Variants in SLC24A3 observed in about 807,000 individuals in gnomAD.
SLC24A3 encodes sodium/potassium/calcium exchanger 3.
Under a neutral mutation model 75.8 loss-of-function variants are expected in SLC24A3, and 28 were observed. That is an observed-to-expected ratio of 0.37 (90% CI 0.27 to 0.51). The LOEUF (loss-of-function observed/expected upper bound fraction) is 0.51, where lower values mean the gene tolerates loss of function less well. Ranked by LOEUF, SLC24A3 falls within the 20% of genes least tolerant of loss-of-function variation. SLC24A3 has a pLI of 0.94. For synonymous variants in SLC24A3, 372 were observed against 334.1 expected (o/e 1.11, Z -1.24); for missense variants, 663 against 847.8 (o/e 0.78, Z 2.71).
intron 2 of SLC24A3, among the ~76,000 whole-genome samples, chr20:19,367,721 G>C (rs1327919500): frequency 2.6e-5 from 4 of 152,172 alleles, no homozygotes; most frequent in South Asian, 2.1e-4. Flanking sequence ...TGTTGGCCAG[G>C]TTCATGAGAG....
chr20:19,344,077 G>C (rs561464587), intron 2 of SLC24A3, among the ~76,000 whole-genome samples: 6 of 151,930 alleles, frequency 3.9e-5, no homozygotes, highest in Admixed American at 1.3e-4. Context: ...TTTCTGACTT[G>C]GGGAAAGCAG....
At chr20:19,379,292 G>A (rs1986141825) in intron 2 of SLC24A3, among the ~76,000 whole-genome samples, 1 of 152,162 alleles carries the variant, frequency 6.6e-6, no homozygotes, top group African/African-American at 2.4e-5. Context: ...CCACCCATGT[G>A]TTTCTGCCTT....
chr20:19,656,291 A>T (rs1252584122), intron 7 of SLC24A3, among the ~76,000 whole-genome samples: 2 of 152,160 alleles, frequency 1.3e-5, no homozygotes, highest in Admixed American at 1.3e-4. Context: ...TCCCCAGATT[A>T]AAACAGGAAG....
chr20:19,364,492 GT>G lies in SLC24A3; in HGVS notation c.271+83406del, dbSNP rs1262081917. Among the ~76,000 whole-genome samples, 428 of 152,014 alleles carry G rather than the reference GT, an allele frequency of 2.8e-3. 3 individuals carry two copies. Among genetic ancestry groups the G allele is most frequent in the African/African-American group, 9.6e-3 (398 of 41,478 alleles). On this transcript the variant is annotated intron_variant, in intron 2 of 16. Coordinates refer to ENST00000328041, the MANE Select transcript of SLC24A3 (RefSeq NM_020689.4). ...CTTTCTTGAGATAGGGTGTCACTCT[GT>G]CACCCAGGCTGGAGGGCAGTGGTGC... is the stretch of plus-strand genomic sequence containing the variant.
At chr20:19,711,930 G>A (rs377484765) in intron 15 of SLC24A3, among the ~76,000 whole-genome samples, 19 of 151,760 alleles carry the variant, frequency 1.3e-4, no homozygotes, top group South Asian at 8.3e-4. Context: ...GAGCTACCGC[G>A]CCTGGCCGCA....
chr20:19,421,848 G>T (rs559803899), intron 2 of SLC24A3, among the ~76,000 whole-genome samples: 3 of 152,184 alleles, frequency 2.0e-5, no homozygotes, highest in Admixed American at 1.3e-4. Context: ...CAAAATGCAC[G>T]AACTTCCGGA....
intron 2 of SLC24A3, among the ~76,000 whole-genome samples, chr20:19,437,551 G>A (rs545776224): frequency 5.9e-5 from 9 of 152,324 alleles, no homozygotes; most frequent in East Asian, 5.8e-4. Flanking sequence ...AGAAGACAGA[G>A]CAAGAAGTGC....
intron 2 of SLC24A3, among the ~76,000 whole-genome samples, chr20:19,350,403 T>TATG (rs1399424443): frequency 6.6e-6 from 1 of 152,246 alleles, no homozygotes; most frequent in African/African-American, 2.4e-5. Flanking sequence ...CCTCTCTTTT[T>TATG]ATGATGACTT....
chr20:19,510,293 T>G (rs946539060), intron 2 of SLC24A3, among the ~76,000 whole-genome samples: 7 of 152,242 alleles, frequency 4.6e-5, no homozygotes, highest in Non-Finnish European at 8.8e-5. Context: ...GGTCCTACCA[T>G]GCTAGATTCA....
chr20:19,594,327 T>G (rs2031422532), intron 6 of SLC24A3, among the ~76,000 whole-genome samples: 1 of 152,118 alleles, frequency 6.6e-6, no homozygotes, highest in Non-Finnish European at 1.5e-5. Flanking sequence ...GCAGCTACAG[T>G]CCAGGTGGCT....
chr20:19,343,789 C>G (rs1985329642), intron 2 of SLC24A3, among the ~76,000 whole-genome samples: 2 of 152,030 alleles, frequency 1.3e-5, no homozygotes, highest in Admixed American at 6.6e-5. Flanking sequence ...TTCAATGAAG[C>G]CAGATTATAG....
chr20:19,591,679 A>G (rs1286630915), intron 6 of SLC24A3, among the ~76,000 whole-genome samples: 1 of 152,184 alleles, frequency 6.6e-6, no homozygotes, highest in East Asian at 1.9e-4. Flanking sequence ...TCCCTGAACC[A>G]ATCATTGTGG....
At chr20:19,659,297 A>G (rs895078934) in intron 7 of SLC24A3, among the ~76,000 whole-genome samples, 1 of 152,226 alleles carries the variant, frequency 6.6e-6, no homozygotes, top group Non-Finnish European at 1.5e-5. Flanking sequence ...TCCCTGGGAC[A>G]TTCATTGTCA....
chr20:19,318,225 T>C (rs555762404), intron 2 of SLC24A3, among the ~76,000 whole-genome samples: 94 of 152,362 alleles, frequency 6.2e-4, no homozygotes, highest in African/African-American at 2.1e-3. Context: ...ACAAGCTTTA[T>C]GGGCAGCCTT....
In SLC24A3 at chr20:19,721,399, A is replaced by G. The variant is rs897830272; in HGVS notation, c.*259A>G. 2.8e-5 allele frequency: 12 copies of G among 426,844 alleles called. 1 individual carries two copies. Among genetic ancestry groups the G allele is most frequent in the Non-Finnish European group, 5.0e-5 (12 of 241,448 alleles). The allele number at this position is 426,844 out of a possible 1,614,324, so 26.4% of individuals were successfully genotyped here. Reference sequence around the variant, plus strand: ...ACATCCACGTGACTTTTCCAGCTCCATTTTTGAACAGTGACTGAGATTCTA... The same window carrying G: ...ACATCCACGTGACTTTTCCAGCTCCGTTTTTGAACAGTGACTGAGATTCTA... On this transcript the variant is annotated 3_prime_UTR_variant, in exon 17 of 17. Coordinates refer to ENST00000328041, the MANE Select transcript of SLC24A3 (RefSeq NM_020689.4).
chr20:19,711,187 G>A (rs972527998), intron 15 of SLC24A3, among the ~76,000 whole-genome samples: 3 of 142,354 alleles, frequency 2.1e-5, no homozygotes, highest in Admixed American at 7.0e-5. Context: ...ACACACACAC[G>A]CATCCACACA....
At chr20:19,309,583 C>G (rs561154359) in intron 2 of SLC24A3, among the ~76,000 whole-genome samples, 1 of 152,286 alleles carries the variant, frequency 6.6e-6, no homozygotes, top group Non-Finnish European at 1.5e-5. Context: ...TTGGAAAACG[C>G]TGGCCTAGAG....
intron 1 of SLC24A3, among the ~76,000 whole-genome samples, chr20:19,251,792 C>T (rs922806087): frequency 2.6e-4 from 40 of 152,146 alleles, no homozygotes; most frequent in African/African-American, 9.7e-4. Flanking sequence ...AGACTCCAGC[C>T]CTGGAGTTGA....
rs374264388 is a variant in SLC24A3, at chr20:19,546,373, T to C, written c.348+30809T>C. 2.4e-4 allele frequency among the ~76,000 whole-genome samples: 37 copies of C among 152,172 alleles called. No individual in the cohort carries two copies. The South Asian group carries it at 6.2e-3, about 26-fold the overall frequency. ...GTGACTGCCAGAAACTAGGCCACAT[T>C]CCTGTGACACCGAAATCCTTTCCTT... is the stretch of plus-strand genomic sequence containing the variant. On this transcript the variant is annotated intron_variant, in intron 3 of 16. Transcript: ENST00000328041.
Sources: gnomAD v4.1 joint callset for allele counts (sites outside exome capture counted in the v4.1 genomes callset) on GRCh38, gnomAD v4.1.1 for gene constraint, MANE v1.5 for transcripts, NCBI Gene and HGNC (gene_info 2026-07-23, HGNC 2026-07-21) for gene names.